The following LIMS1 variants were observed in gnomAD, a reference collection of about 807,000 sequenced individuals.
LIMS1 encodes the protein LIM zinc finger domain containing 1.
In LIMS1, 18 loss-of-function variants were observed where a neutral mutation model predicts 44.1. The observed-to-expected ratio is 0.41, with a 90% CI of 0.28 to 0.61. The LOEUF (loss-of-function observed/expected upper bound fraction) is 0.61, where lower values mean the gene tolerates loss of function less well. Ranked by LOEUF, LIMS1 falls within the 20% of genes least tolerant of loss-of-function variation. LIMS1 has a pLI of 0.32. For synonymous variants in LIMS1, 93 were observed against 149.1 expected, an observed-to-expected ratio of 0.62 and a Z score of 2.74; for missense variants, 201 against 422.0, an observed-to-expected ratio of 0.48 and a Z score of 4.59.
chr2:108,681,595 A>T (rs1158760888), intron 9 of LIMS1: 4 of 966,132 alleles, frequency 4.1e-6, no homozygotes, highest in Non-Finnish European at 4.9e-6. Flanking sequence ...TGATATTTTT[A>T]AAAATGCATA....
intron 1 of LIMS1, among the ~76,000 whole-genome samples, chr2:108,544,790 G>A (rs1168624218): frequency 1.3e-5 from 2 of 152,072 alleles, no homozygotes; most frequent in African/African-American, 4.8e-5. Flanking sequence ...CCACCACACT[G>A]GGCCAGCCTC....
chr2:108,588,514 G>A (rs937355842), intron 1 of LIMS1: 54 of 985,666 alleles, frequency 5.5e-5, no homozygotes, highest in East Asian at 2.3e-4. Context: ...GGTAGAGTGC[G>A]TAGGTTTGCA....
At chr2:108,573,471 CA>C (rs1204675134) in intron 1 of LIMS1, among the ~76,000 whole-genome samples, 3 of 151,316 alleles carry the variant, frequency 2.0e-5, no homozygotes, top group Admixed American at 2.0e-4. Flanking sequence ...ATGGGAAAAG[CA>C]TTTTTATTTT....
chr2:108,656,528 A>G (rs115292630), intron 1 of LIMS1, among the ~76,000 whole-genome samples: 1 of 151,992 alleles, frequency 6.6e-6, no homozygotes, highest in Non-Finnish European at 1.5e-5. Context: ...TTAAAAAAAA[A>G]AACAACAGGC....
chr2:108,611,873 A>G (rs1687632064), intron 1 of LIMS1, among the ~76,000 whole-genome samples: 1 of 145,132 alleles, frequency 6.9e-6, no homozygotes, highest in Non-Finnish European at 1.5e-5. Flanking sequence ...ATATATACAC[A>G]TATATATAAA....
At position 108,598,395 on chromosome 2, in the gene LIMS1, T is replaced by G. The variant is rs1052864428; in HGVS notation, c.33-61210T>G. 4.6e-5 allele frequency among the ~76,000 whole-genome samples: 7 copies of G among 152,190 alleles called. No individual in the cohort carries two copies. In the South Asian group the frequency reaches 1.2e-3, roughly 27 times the overall value. ...GCTTTAATAAAATTAACATAAACTGTGACTTTGTATAGGCTAGGAGGAAGG... is the reference window on the plus strand; with the variant it reads ...GCTTTAATAAAATTAACATAAACTGGGACTTTGTATAGGCTAGGAGGAAGG... On this transcript the variant is annotated intron_variant, in intron 1 of 9. Coordinates refer to ENST00000544547, the Ensembl canonical transcript of LIMS1.
intron 1 of LIMS1, among the ~76,000 whole-genome samples, chr2:108,643,615 C>G (rs1011422935): frequency 1.3e-5 from 2 of 151,752 alleles, no homozygotes; most frequent in Non-Finnish European, 2.9e-5. Context: ...CCAGTGGTAG[C>G]GTTTGAGTTT....
At chr2:108,576,835 A>G (rs1685687536) in intron 1 of LIMS1, among the ~76,000 whole-genome samples, 2 of 152,186 alleles carry the variant, frequency 1.3e-5, no homozygotes, top group Non-Finnish European at 2.9e-5. Context: ...ATCTTGATAC[A>G]TGGCAACATT....
At chr2:108,534,061 A>G (rs1028169977), upstream of LIMS1, 1 of 153,182 alleles carries the variant, frequency 6.5e-6, no homozygotes, top group Admixed American at 6.5e-5. Flanking sequence ...CGAGGCAAGG[A>G]GAGCCGGGCC....
intron 1 of LIMS1, among the ~76,000 whole-genome samples, chr2:108,593,161 T>C (rs908773337): frequency 6.6e-6 from 1 of 152,206 alleles, no homozygotes; most frequent in African/African-American, 2.4e-5. Context: ...ATATCTCCTT[T>C]AAGATCCAGA....
chr2:108,676,085 T>C (rs1692541925), intron 6 of LIMS1, 57 bp downstream of exon 6: 8 of 1,522,562 alleles, frequency 5.3e-6, no homozygotes, highest in African/African-American at 1.4e-5. Context: ...GATTAAGGGG[T>C]AACCAATACT....
At chr2:108,648,153 C>T (rs1163045052) in intron 1 of LIMS1, among the ~76,000 whole-genome samples, 1 of 152,178 alleles carries the variant, frequency 6.6e-6, no homozygotes, top group African/African-American at 2.4e-5. Context: ...AAATCACAGG[C>T]ATTCCTATAC....
intron 3 of LIMS1, among the ~76,000 whole-genome samples, chr2:108,671,977 C>T (rs2433829): frequency 0.018 from 2,771 of 151,992 alleles, 49 homozygotes; most frequent in African/African-American, 0.04. Flanking sequence ...GTCGGGAATT[C>T]GACCAACATG....
At chr2:108,675,124 C>T (rs1692444290) in intron 5 of LIMS1, among the ~76,000 whole-genome samples, 1 of 152,070 alleles carries the variant, frequency 6.6e-6, no homozygotes, top group Non-Finnish European at 1.5e-5. Context: ...CCCAACTTCT[C>T]AGTTTGCTTG....
intron 1 of LIMS1, among the ~76,000 whole-genome samples, chr2:108,581,090 G>A (rs1253336316): frequency 6.6e-6 from 1 of 152,080 alleles, no homozygotes; most frequent in East Asian, 1.9e-4. Flanking sequence ...GGCAGGTTTG[G>A]GTCTGAGTGG....
At chr2:108,587,119 T>C (rs1686138595) in intron 1 of LIMS1, among the ~76,000 whole-genome samples, 2 of 152,080 alleles carry the variant, frequency 1.3e-5, no homozygotes, top group African/African-American at 4.8e-5. Flanking sequence ...CCTCTGCCTT[T>C]AGCTTGTCTT....
intron 1 of LIMS1, among the ~76,000 whole-genome samples, chr2:108,587,205 T>C (rs549243294): frequency 6.6e-6 from 1 of 152,210 alleles, no homozygotes; most frequent in South Asian, 2.1e-4. Flanking sequence ...CCTCAGGTTA[T>C]AGCTTGTCAC....
At chr2:108,588,187 A>T in intron 1 of LIMS1, 1 of 225,612 alleles carries the variant, frequency 4.4e-6, no homozygotes, top group Non-Finnish European at 7.4e-6. Flanking sequence ...ATGAGTTATG[A>T]CATTTAGGGG....
chr2:108,637,989 C>T (rs1689394111), intron 1 of LIMS1, among the ~76,000 whole-genome samples: 1 of 151,816 alleles, frequency 6.6e-6, no homozygotes, highest in African/African-American at 2.4e-5. Context: ...CTTAGTAGCG[C>T]CTACAGGTGC....
Sources: gnomAD v4.1 joint callset for allele counts (sites outside exome capture counted in the v4.1 genomes callset) on GRCh38, gnomAD v4.1.1 for gene constraint, MANE v1.5 for transcripts, NCBI Gene and HGNC (gene_info 2026-07-23, HGNC 2026-07-21) for gene names.